The following TBL1X variants were observed in gnomAD, a reference collection of about 807,000 sequenced individuals.
The protein encoded by TBL1X is F-box-like/WD repeat-containing protein TBL1X.
Under a neutral mutation model 50.7 loss-of-function variants are expected in TBL1X, and 10 were observed. The ratio of observed to expected loss-of-function variants is 0.20; its 90% CI spans 0.12 to 0.33. The LOEUF (loss-of-function observed/expected upper bound fraction) is 0.33, where lower values mean the gene tolerates loss of function less well. TBL1X is among the 10% of genes least tolerant of loss of function. TBL1X has a pLI of 1.00. For synonymous variants in TBL1X, 190 were observed against 214.7 expected, an observed-to-expected ratio of 0.88 and a Z score of 1.01; for missense variants, 340 against 504.4, an observed-to-expected ratio of 0.67 and a Z score of 3.12.
At chrX:9,667,944 T>A (rs773711478) in intron 5 of TBL1X, among the ~76,000 whole-genome samples, 15 of 111,927 alleles carry the variant, frequency 1.3e-4, no homozygotes, top group Non-Finnish European at 2.1e-4. Flanking sequence ...CTAGGTTATG[T>A]TTTAAAAAAA....
intron 1 of TBL1X, among the ~76,000 whole-genome samples, chrX:9,477,988 C>T (rs997619815): frequency 2.7e-5 from 3 of 111,564 alleles, no homozygotes; most frequent in African/African-American, 6.5e-5. Flanking sequence ...CTTTGCCTTC[C>T]GCCCCTTCAT....
chrX:9,537,529 C>G (rs1046688467), intron 2 of TBL1X, among the ~76,000 whole-genome samples: 2 of 111,922 alleles, frequency 1.8e-5, no homozygotes, highest in African/African-American at 6.5e-5. Context: ...TACTTTCTCT[C>G]TCTATGATTT....
intron 5 of TBL1X, among the ~76,000 whole-genome samples, chrX:9,675,776 A>C (rs2082990006): frequency 9.1e-6 from 1 of 109,577 alleles, no homozygotes; most frequent in Non-Finnish European, 1.9e-5. Flanking sequence ...CTGTAATCCC[A>C]GCTATTCGAG....
intron 2 of TBL1X, among the ~76,000 whole-genome samples, chrX:9,606,902 A>G (rs1223426032): frequency 2.7e-5 from 3 of 112,222 alleles, no homozygotes; most frequent in East Asian, 2.8e-4. Flanking sequence ...CTCAAGACAT[A>G]TAGGAAATGT....
At chrX:9,577,823 G>T (rs1469797168) in intron 2 of TBL1X, among the ~76,000 whole-genome samples, 2 of 112,470 alleles carry the variant, frequency 1.8e-5, no homozygotes, top group Non-Finnish European at 3.8e-5. Flanking sequence ...AGTCCATGGA[G>T]CTTCTCGGGC....
chrX:9,693,060 C>T (rs960499200), intron 9 of TBL1X, 89 bp from the exon 10 acceptor site: 3 of 958,000 alleles, frequency 3.1e-6, no homozygotes, highest in African/African-American at 3.9e-5. Context: ...TTCCAGTGTA[C>T]CTGGATCCTC....
intron 2 of TBL1X, among the ~76,000 whole-genome samples, chrX:9,518,790 G>A (rs1396336958): frequency 2.7e-5 from 3 of 110,674 alleles, no homozygotes. Context: ...TGTTAGCTTC[G>A]GAGAGCCACT....
At chrX:9,610,694 T>C (rs1459076715) in intron 2 of TBL1X, among the ~76,000 whole-genome samples, 2 of 112,360 alleles carry the variant, frequency 1.8e-5, no homozygotes, top group African/African-American at 6.5e-5. Flanking sequence ...GTTCTTTCTT[T>C]TGTAGTCTTC....
intron 2 of TBL1X, among the ~76,000 whole-genome samples, chrX:9,565,240 C>T (rs1488245785): frequency 1.2e-5 from 1 of 83,487 alleles, no homozygotes; most frequent in East Asian, 4.0e-4. Flanking sequence ...CCACTGCACT[C>T]CAGCCTGGGT....
At chrX:9,541,787 A>G (rs979233041) in intron 2 of TBL1X, among the ~76,000 whole-genome samples, 2 of 111,490 alleles carry the variant, frequency 1.8e-5, no homozygotes, top group East Asian at 2.8e-4. Flanking sequence ...ACTTGGCAGT[A>G]TTCCCACCAG....
intron 5 of TBL1X, among the ~76,000 whole-genome samples, chrX:9,659,291 G>A (rs958917355): frequency 2.7e-5 from 3 of 111,696 alleles, no homozygotes; most frequent in Admixed American, 9.5e-5. Flanking sequence ...ACCCTGCCCC[G>A]GCAACCACCA....
rs112927270 is a variant in TBL1X, at chrX:9,479,938, A to ATGTGTGTGTGTGTGTGTGTGTGTGTGTG, written c.-201+14518_-201+14519insGTGTGTGTGTGTGTGTGTGTGTGTGTGT. 6.9e-3 allele frequency among the ~76,000 whole-genome samples: 655 copies of ATGTGTGTGTGTGTGTGTGTGTGTGTGTG among 94,958 alleles called. 15 individuals carry two copies. The highest frequency in any genetic ancestry group is 0.02 in the African/African-American group (504 of 25,405). 82.5% of individuals were successfully genotyped at this position (94,958 alleles called of 115,157 possible). On this transcript the variant is annotated intron_variant, in intron 1 of 17. Transcript: ENST00000645353. ...ATGCAAGGCGTAGAAGGAAAGTAGA[A>ATGTGTGTGTGTGTGTGTGTGTGTGTGTG]TGTGTGTGTGTGTGTGTGTGTGTGT...
chrX:9,530,966 C>G (rs1036557511), intron 2 of TBL1X: 1 of 111,910 alleles, frequency 8.9e-6, no homozygotes, highest in African/African-American at 3.3e-5. Context: ...TCTTATCTGC[C>G]GCTGGTAAAG....
rs770286256 is a variant in TBL1X, at chrX:9,562,471, T to TA, written c.-131+60623dup. On this transcript the variant is annotated intron_variant, in intron 2 of 17. Coordinates refer to ENST00000645353, the MANE Select transcript of TBL1X (RefSeq NM_005647.4). ...AGTTGTACAAGCATGAAATATTGTTTATCAAGCCTCATAAGACATTAAAGA... is the reference window on the plus strand; with the variant it reads ...AGTTGTACAAGCATGAAATATTGTTTAATCAAGCCTCATAAGACATTAAAGA... Among the ~76,000 whole-genome samples, 101 of 112,179 alleles carry TA rather than the reference T, an allele frequency of 9.0e-4. 1 individual carries two copies. The highest frequency in any genetic ancestry group is 1.7e-3 in the Non-Finnish European group (91 of 53,254).
At chrX:9,581,495 G>A (rs2082441759) in intron 2 of TBL1X, among the ~76,000 whole-genome samples, 1 of 111,390 alleles carries the variant, frequency 9.0e-6, no homozygotes, top group African/African-American at 3.3e-5. Context: ...GCAACTGCCA[G>A]GGGACATTGA....
chrX:9,675,906 A>G lies in TBL1X; in HGVS notation c.212-8137A>G, dbSNP rs757106660. On this transcript the variant is annotated intron_variant, in intron 5 of 17. Coordinates refer to ENST00000645353, the MANE Select transcript of TBL1X (RefSeq NM_005647.4). ...AACTCTGTCTCAAAAAAAAAAAAAAAAAGAAGAAAGTAATTAAGATACATA... is the reference window on the plus strand; with the variant it reads ...AACTCTGTCTCAAAAAAAAAAAAAAGAAGAAGAAAGTAATTAAGATACATA... Among the ~76,000 whole-genome samples the G allele has an allele frequency of 3.3e-3, 362 of 110,172 alleles. 3 individuals are homozygous for G. The highest frequency in any genetic ancestry group is 0.011 in the African/African-American group (338 of 30,251).
chrX:9,650,250 A>G (rs1293839070), intron 3 of TBL1X, among the ~76,000 whole-genome samples: 1 of 112,965 alleles, frequency 8.9e-6, no homozygotes, highest in African/African-American at 3.2e-5. Flanking sequence ...ACATTTGGCA[A>G]TGTGTGCAGG....
chrX:9,553,284 G>A (rs1419602394), intron 2 of TBL1X, among the ~76,000 whole-genome samples: 2 of 112,166 alleles, frequency 1.8e-5, no homozygotes, highest in African/African-American at 3.2e-5. Context: ...GAGGATGGGC[G>A]CAGAGGCCCC....
chrX:9,687,658 C>G (rs1166458657), intron 6 of TBL1X, among the ~76,000 whole-genome samples: 1 of 108,476 alleles, frequency 9.2e-6, no homozygotes, highest in Non-Finnish European at 1.9e-5. Context: ...CTAATGCCCC[C>G]CAAGGAGTCA....
Sources: allele counts gnomAD v4.1 joint callset (sites outside exome capture counted in the v4.1 genomes callset), GRCh38; gene constraint gnomAD v4.1.1; transcripts MANE v1.5; gene names NCBI Gene and HGNC (gene_info 2026-07-23, HGNC 2026-07-21).